The following ILRUN variants were observed in gnomAD, a reference collection of about 807,000 sequenced individuals.
The protein encoded by ILRUN is protein ILRUN.
A neutral mutation model predicts 33.8 loss-of-function variants in ILRUN; 3 were observed. That is an observed-to-expected ratio of 0.09 (90% CI 0.04 to 0.23). The LOEUF (loss-of-function observed/expected upper bound fraction) is 0.23, where lower values mean the gene tolerates loss of function less well. ILRUN is among the 10% of genes least tolerant of loss of function. The pLI is 1.00. For missense variants in ILRUN, 210 were observed against 375.1 expected, an observed-to-expected ratio of 0.56 and a Z score of 3.64; for synonymous variants, 124 against 138.9, an observed-to-expected ratio of 0.89 and a Z score of 0.75.
At chr6:34,667,752 C>T (rs867226703) in intron 1 of ILRUN, among the ~76,000 whole-genome samples, 10 of 152,092 alleles carry the variant, frequency 6.6e-5, no homozygotes, top group African/African-American at 2.4e-4. Context: ...ATTCTAATCA[C>T]GACTAACCAA....
intron 2 of ILRUN, among the ~76,000 whole-genome samples, chr6:34,651,528 A>T (rs1172509301): frequency 6.6e-6 from 1 of 152,184 alleles, no homozygotes; most frequent in Admixed American, 6.5e-5. Context: ...TTGAAATATA[A>T]AATGGTTAGT....
chr6:34,656,139 G>A (rs1398741116), intron 1 of ILRUN, among the ~76,000 whole-genome samples: 1 of 151,446 alleles, frequency 6.6e-6, no homozygotes. Context: ...GGGAGGCTGA[G>A]GCAGTAGAAT....
At chr6:34,648,004 C>T (rs781303419) in intron 2 of ILRUN, among the ~76,000 whole-genome samples, 33 of 152,164 alleles carry the variant, frequency 2.2e-4, no homozygotes, top group Admixed American at 1.4e-3. Flanking sequence ...CAGCCGGTAC[C>T]CACTCTTGTG....
rs1025457725 is a variant in ILRUN, at chr6:34,587,971, T to A, written c.*2594A>T. On this transcript the variant is annotated 3_prime_UTR_variant, in exon 5 of 5. Transcript: ENST00000374023. ...GAGGTGGCCTGCCACTTGGTGAAGATTCTAAGAGGAGCAGGGACTATTGGG... is the reference window on the plus strand; with the variant it reads ...GAGGTGGCCTGCCACTTGGTGAAGAATCTAAGAGGAGCAGGGACTATTGGG... 1 of 397,686 alleles carries A rather than the reference T, an allele frequency of 2.5e-6. No homozygotes were observed. Among genetic ancestry groups the A allele is most frequent in the Admixed American group, 4.4e-5 (1 of 22,728 alleles). 24.6% of individuals were successfully genotyped at this position (397,686 alleles called of 1,614,324 possible).
At chr6:34,616,850 T>A in intron 3 of ILRUN, 1 of 695,770 alleles carries the variant, frequency 1.4e-6, no homozygotes. Flanking sequence ...GCAGCTTCTT[T>A]GCCTTCATCA....
intron 3 of ILRUN, among the ~76,000 whole-genome samples, chr6:34,641,955 G>A (rs559266644): frequency 6.6e-6 from 1 of 152,200 alleles, no homozygotes; most frequent in South Asian, 2.1e-4. Context: ...ACTCTTACTA[G>A]CTTATTATAA....
chr6:34,616,317 G>A (rs1761891417), intron 3 of ILRUN, among the ~76,000 whole-genome samples: 1 of 152,184 alleles, frequency 6.6e-6, no homozygotes, highest in Non-Finnish European at 1.5e-5. Context: ...CATCTTCAAA[G>A]CAGAACAGGA....
chr6:34,669,563 C>A (rs1233176189), intron 1 of ILRUN, among the ~76,000 whole-genome samples: 1 of 152,092 alleles, frequency 6.6e-6, no homozygotes, highest in Admixed American at 6.6e-5. Context: ...CCAGAACCAT[C>A]GATGTGGTTG....
intron 3 of ILRUN, among the ~76,000 whole-genome samples, chr6:34,615,735 T>C (rs1034135746): frequency 1.3e-5 from 2 of 152,166 alleles, no homozygotes; most frequent in South Asian, 2.1e-4. Context: ...GGAACCATCA[T>C]GCGCCCAAGT....
intron 1 of ILRUN, among the ~76,000 whole-genome samples, chr6:34,670,060 C>T (rs1763084626): frequency 1.3e-5 from 2 of 152,030 alleles, no homozygotes; most frequent in Admixed American, 6.6e-5. Flanking sequence ...TACAGGCACC[C>T]ACTACCACAC....
intron 3 of ILRUN, among the ~76,000 whole-genome samples, chr6:34,608,015 C>T (rs1435179919): frequency 6.6e-6 from 1 of 151,900 alleles, no homozygotes; most frequent in Non-Finnish European, 1.5e-5. Flanking sequence ...ATCGCTTGAG[C>T]CCAGGAGGTA....
chr6:34,694,570 C>CTA (rs781248507), intron 1 of ILRUN, among the ~76,000 whole-genome samples: 7 of 152,280 alleles, frequency 4.6e-5, no homozygotes, highest in Admixed American at 3.3e-4. Context: ...CTACAGTAGG[C>CTA]TATATTCCCT....
intron 4 of ILRUN, among the ~76,000 whole-genome samples, chr6:34,591,680 G>A (rs1761296611): frequency 6.6e-6 from 1 of 151,972 alleles, no homozygotes; most frequent in South Asian, 2.1e-4. Flanking sequence ...TAGTAGAGAC[G>A]GGGTTTCATC....
chr6:34,690,291 A>G (rs978215267), intron 1 of ILRUN, among the ~76,000 whole-genome samples: 1 of 151,960 alleles, frequency 6.6e-6, no homozygotes, highest in Non-Finnish European at 1.5e-5. Context: ...CAAAACCTTG[A>G]TTCTACTAAT....
intron 3 of ILRUN, among the ~76,000 whole-genome samples, chr6:34,610,638 C>G (rs185586778): frequency 1.3e-4 from 20 of 152,164 alleles, no homozygotes; most frequent in Admixed American, 4.6e-4. Context: ...ATTCAAAAAT[C>G]CAAAAAAATG....
At chr6:34,617,175 G>A in intron 3 of ILRUN, 2 of 493,448 alleles carry the variant, frequency 4.1e-6, no homozygotes. Flanking sequence ...GTGGAATGAA[G>A]AAAAAACTAC....
chr6:34,693,684 TGAGAC>T, intron 1 of ILRUN, among the ~76,000 whole-genome samples: 1 of 147,850 alleles, frequency 6.8e-6, no homozygotes. Context: ...TTTTTTTTTT[TGAGAC>T]GGAGTCTCGG....
At chr6:34,665,607 A>G (rs1262508673) in intron 1 of ILRUN, among the ~76,000 whole-genome samples, 1 of 152,020 alleles carries the variant, frequency 6.6e-6, no homozygotes, top group Non-Finnish European at 1.5e-5. Context: ...TTTTTTAATT[A>G]TAATAGAGAT....
chr6:34,642,825 CAAAAAAAAAAA>C (rs57866309), intron 3 of ILRUN, among the ~76,000 whole-genome samples: 4 of 42,994 alleles, frequency 9.3e-5, no homozygotes, highest in Admixed American at 3.3e-4. Flanking sequence ...CCGTCTCTAC[CAAAAAAAAAAA>C]AAAAAAAAAA....
Sources: gnomAD v4.1 joint callset for allele counts (sites outside exome capture counted in the v4.1 genomes callset) on GRCh38, gnomAD v4.1.1 for gene constraint, MANE v1.5 for transcripts, NCBI Gene and HGNC (gene_info 2026-07-23, HGNC 2026-07-21) for gene names.